Variants in DLGAP1 observed in about 807,000 individuals in gnomAD.
The protein encoded by DLGAP1 is DLG associated protein 1.
DLGAP1 carries 11 observed loss-of-function variants against 90.8 expected under a neutral mutation model. The ratio of observed to expected loss-of-function variants is 0.12; its 90% CI spans 0.08 to 0.20. The LOEUF is 0.20. Ranked by LOEUF, DLGAP1 falls within the 10% of genes least tolerant of loss-of-function variation. DLGAP1 has a pLI of 1.00. For missense variants in DLGAP1, 1,050 were observed against 1,333.8 expected, an observed-to-expected ratio of 0.79 and a Z score of 3.31; for synonymous variants, 558 against 540.7, an observed-to-expected ratio of 1.03 and a Z score of -0.44.
chr18:4,247,809 C>T (rs111829296), intron 1 of DLGAP1, among the ~76,000 whole-genome samples: 1 of 151,884 alleles, frequency 6.6e-6, no homozygotes. Flanking sequence ...TTTTTCACAG[C>T]AAGGTTTGGG....
chr18:3,794,460 T>C (rs2065887273), intron 5 of DLGAP1, among the ~76,000 whole-genome samples: 1 of 152,204 alleles, frequency 6.6e-6, no homozygotes, highest in South Asian at 2.1e-4. Context: ...CTTGTTGAAC[T>C]TGACTATAGC....
intron 5 of DLGAP1, among the ~76,000 whole-genome samples, chr18:3,766,901 T>C (rs2064271607): frequency 6.6e-6 from 1 of 151,996 alleles, no homozygotes; most frequent in Non-Finnish European, 1.5e-5. Context: ...CTTTTCCTCA[T>C]GAACCTAAAA....
chr18:4,106,664 T>C (rs2075874265), intron 2 of DLGAP1, among the ~76,000 whole-genome samples: 1 of 152,242 alleles, frequency 6.6e-6, no homozygotes, highest in Admixed American at 6.5e-5. Context: ...GCCTGTCTTC[T>C]CAGACCAAAA....
chr18:3,923,223 G>A (rs573636017), intron 3 of DLGAP1, among the ~76,000 whole-genome samples: 1 of 150,580 alleles, frequency 6.6e-6, no homozygotes, highest in South Asian at 2.1e-4. Flanking sequence ...GAGAAGAACA[G>A]GGTCTTCTCC....
chr18:3,543,320 A>G (rs780161570), intron 9 of DLGAP1, among the ~76,000 whole-genome samples: 3 of 151,880 alleles, frequency 2.0e-5, no homozygotes, highest in African/African-American at 4.8e-5. Context: ...ACAGGCGCCC[A>G]CCACCACGCC....
At chr18:4,174,436 G>A (rs1475067439) in intron 1 of DLGAP1, among the ~76,000 whole-genome samples, 3 of 152,108 alleles carry the variant, frequency 2.0e-5, no homozygotes, top group Non-Finnish European at 4.4e-5. Flanking sequence ...CCGGGTTCAA[G>A]CAATTCTCCT....
chr18:3,651,131 T>C (rs543142477), intron 7 of DLGAP1, among the ~76,000 whole-genome samples: 14 of 148,222 alleles, frequency 9.4e-5, no homozygotes, highest in East Asian at 6.2e-4. Context: ...GAGGCTGAGG[T>C]GGGCGGATCA....
At chr18:4,186,580 G>C (rs1007433911) in intron 1 of DLGAP1, among the ~76,000 whole-genome samples, 1 of 152,040 alleles carries the variant, frequency 6.6e-6, no homozygotes, top group South Asian at 2.1e-4. Context: ...AAGATCAGAT[G>C]GTTATAGATG....
intron 1 of DLGAP1, among the ~76,000 whole-genome samples, chr18:4,385,035 G>C (rs1372151492): frequency 6.6e-6 from 1 of 151,962 alleles, no homozygotes; most frequent in Non-Finnish European, 1.5e-5. Flanking sequence ...CATTGCCATG[G>C]AAATAATCAC....
chr18:4,286,559 T>C lies in DLGAP1; in HGVS notation c.-266-135272A>G, dbSNP rs115308665. Among the ~76,000 whole-genome samples the C allele has an allele frequency of 5.1e-3, 775 of 152,102 alleles. 8 individuals carry two copies. The highest frequency in any genetic ancestry group is 0.017 in the African/African-American group (694 of 41,506). On this transcript the variant is annotated intron_variant, in intron 1 of 12. Transcript: ENST00000315677. ...GTACAGCAGCCGTTTAGCACAGGAT[T>C]AAAAGCGTCAGAGGGTCTTGCTGGG... is the stretch of plus-strand genomic sequence containing the variant.
At chr18:4,185,829 G>C (rs1335122066) in intron 1 of DLGAP1, among the ~76,000 whole-genome samples, 1 of 152,116 alleles carries the variant, frequency 6.6e-6, no homozygotes, top group Non-Finnish European at 1.5e-5. Flanking sequence ...ACAAATGGTA[G>C]TTCTGTTTTT....
At chr18:3,652,743 T>A (rs1377446746) in intron 7 of DLGAP1, among the ~76,000 whole-genome samples, 1 of 152,252 alleles carries the variant, frequency 6.6e-6, no homozygotes, top group Non-Finnish European at 1.5e-5. Flanking sequence ...ATACGGGCTT[T>A]CAAAAGAATG....
At chr18:3,583,432 C>T (rs2055688707) in intron 7 of DLGAP1, among the ~76,000 whole-genome samples, 1 of 152,068 alleles carries the variant, frequency 6.6e-6, no homozygotes. Flanking sequence ...GCCTATCTCT[C>T]TCTCTGTCTT....
chr18:3,716,974 A>T (rs558442143), intron 7 of DLGAP1, among the ~76,000 whole-genome samples: 49 of 151,522 alleles, frequency 3.2e-4, no homozygotes, highest in African/African-American at 1.2e-3. Flanking sequence ...ATAAAAATTT[A>T]AAAATTTTTT....
chr18:4,017,666 C>T (rs935365531), intron 2 of DLGAP1, among the ~76,000 whole-genome samples: 1 of 152,182 alleles, frequency 6.6e-6, no homozygotes, highest in African/African-American at 2.4e-5. Flanking sequence ...GTGGAGCTCT[C>T]GCCCTCTCCT....
chr18:3,972,346 T>C (rs1021390201), intron 3 of DLGAP1, among the ~76,000 whole-genome samples: 6 of 152,034 alleles, frequency 3.9e-5, no homozygotes, highest in Admixed American at 3.9e-4. Flanking sequence ...ATTCCGTCTC[T>C]ATTTAAAAAT....
chr18:4,091,891 GTTTT>G (rs68148153), intron 2 of DLGAP1, among the ~76,000 whole-genome samples: 1 of 149,246 alleles, frequency 6.7e-6, no homozygotes, highest in Admixed American at 6.7e-5. Flanking sequence ...TCTTGATCAT[GTTTT>G]TTTTTTTCCA....
intron 5 of DLGAP1, among the ~76,000 whole-genome samples, chr18:3,759,269 A>C (rs2063851329): frequency 1.3e-5 from 2 of 151,960 alleles, no homozygotes; most frequent in African/African-American, 2.4e-5. Flanking sequence ...AAAAAAAAAA[A>C]AAACAAAACC....
At chr18:4,288,951 G>A (rs1175618800) in intron 1 of DLGAP1, among the ~76,000 whole-genome samples, 1 of 152,076 alleles carries the variant, frequency 6.6e-6, no homozygotes, top group East Asian at 1.9e-4. Context: ...TGGGTATTTT[G>A]GCCTCTGTTC....
Sources: allele counts gnomAD v4.1 joint callset (sites outside exome capture counted in the v4.1 genomes callset), GRCh38; gene constraint gnomAD v4.1.1; transcripts MANE v1.5; gene names NCBI Gene and HGNC (gene_info 2026-07-23, HGNC 2026-07-21).